ATRNL1: variants seen among roughly 807,000 people sequenced by gnomAD.
ATRNL1 encodes attractin like 1.
A neutral mutation model predicts 182.7 loss-of-function variants in ATRNL1; 95 were observed. The ratio of observed to expected loss-of-function variants is 0.52; its 90% confidence interval spans 0.44 to 0.62. The LOEUF is 0.62. ATRNL1 is among the 20% of genes least tolerant of loss of function. The pLI is 0.00. For synonymous variants in ATRNL1, 576 were observed against 568.3 expected, an observed-to-expected ratio of 1.01 and a Z score of -0.19; for missense variants, 1,471 against 1,679.5, an observed-to-expected ratio of 0.88 and a Z score of 2.17.
At chr10:115,530,143 C>G (rs1473057765) in intron 25 of ATRNL1, among the ~76,000 whole-genome samples, 1 of 151,992 alleles carries the variant, frequency 6.6e-6, no homozygotes, top group South Asian at 2.1e-4. Flanking sequence ...TATTTGAGTT[C>G]TTTCTTCTTT....
chr10:115,447,948 A>G (rs1022509834), intron 21 of ATRNL1, among the ~76,000 whole-genome samples: 3 of 152,044 alleles, frequency 2.0e-5, no homozygotes, highest in Non-Finnish European at 4.4e-5. Context: ...GTTTTGAAAT[A>G]CTATCTTGTT....
intron 26 of ATRNL1, among the ~76,000 whole-genome samples, chr10:115,559,481 C>A (rs1053810357): frequency 6.6e-6 from 1 of 151,774 alleles, no homozygotes; most frequent in Non-Finnish European, 1.5e-5. Context: ...ACCCTTCTTA[C>A]GTTTTGGTAC....
intron 15 of ATRNL1, 51 bp from the exon 16 acceptor site, chr10:115,299,983 A>G: frequency 1.5e-6 from 2 of 1,374,986 alleles, no homozygotes; most frequent in Non-Finnish European, 2.1e-6. Flanking sequence ...GGAATATGCC[A>G]TATTTTTACA....
Position 115,215,795 on chromosome 10 carries a change from G to T in ATRNL1, c.1447G>T (p.Val483Phe). Residue 483 changes from valine (V) to phenylalanine (F), a missense_variant, in exon 9 of 29, where the codon GTT becomes TTT. Around this residue, in one of 3 missense-constraint regions of ATRNL1, gnomAD observed 1,031 missense variants for 1,156.0 expected, o/e 0.89. Coordinates refer to ENST00000355044, the MANE Select transcript of ATRNL1 (RefSeq NM_207303.4). ...TGATGAAATAACAAAGTCCATTTATGTTCATGGAGGGTATAAAGCATTGCC... is the reference window on the plus strand; with the variant it reads ...TGATGAAATAACAAAGTCCATTTATTTTCATGGAGGGTATAAAGCATTGCC... ...VYDEITKSIY[V>F]HGGYKALPGN... 5 of 1,609,078 alleles carry T rather than the reference G, an allele frequency of 3.1e-6. No homozygotes were observed. The highest frequency in any genetic ancestry group is 4.2e-6 in the Non-Finnish European group (5 of 1,178,094).
At chr10:115,432,108 G>A (rs2134416592) in intron 21 of ATRNL1, among the ~76,000 whole-genome samples, 1 of 152,154 alleles carries the variant, frequency 6.6e-6, no homozygotes, top group African/African-American at 2.4e-5. Flanking sequence ...TAAAATTAAT[G>A]TTAATAAAAC....
intron 27 of ATRNL1, chr10:115,819,819 T>C (rs1261975775): frequency 1.3e-5 from 2 of 152,090 alleles, no homozygotes; most frequent in Non-Finnish European, 2.9e-5. Context: ...ACATGAAACA[T>C]TGCCTTATCT....
chr10:115,938,337 A>G (rs1370406720), intron 28 of ATRNL1, among the ~76,000 whole-genome samples: 1 of 152,232 alleles, frequency 6.6e-6, no homozygotes, highest in Non-Finnish European at 1.5e-5. Flanking sequence ...TTTTCATTGC[A>G]AATTTAGTGG....
chr10:115,536,178 G>C (rs1243454823), intron 25 of ATRNL1, among the ~76,000 whole-genome samples: 2 of 152,190 alleles, frequency 1.3e-5, no homozygotes, highest in Non-Finnish European at 2.9e-5. Flanking sequence ...AGAGGTTACT[G>C]CTGTGTTTTT....
intron 27 of ATRNL1, among the ~76,000 whole-genome samples, chr10:115,788,373 C>T (rs1555080913): frequency 6.9e-6 from 1 of 144,958 alleles, no homozygotes; most frequent in East Asian, 2.0e-4. Context: ...TTTGCCCCCT[C>T]TGTAAACATT....
chr10:115,449,181 C>T (rs650583), intron 21 of ATRNL1, among the ~76,000 whole-genome samples: 1 of 152,126 alleles, frequency 6.6e-6, no homozygotes, highest in Non-Finnish European at 1.5e-5. Flanking sequence ...CACCCCACTC[C>T]CCTGATTCTG....
intron 17 of ATRNL1, among the ~76,000 whole-genome samples, chr10:115,312,093 A>G (rs1166229084): frequency 6.6e-6 from 1 of 152,078 alleles, no homozygotes; most frequent in African/African-American, 2.4e-5. Flanking sequence ...GAGCATTTAT[A>G]CCATTTACAT....
chr10:115,713,713 T>TATCTATC (rs1565310967), intron 26 of ATRNL1, among the ~76,000 whole-genome samples: 77 of 89,808 alleles, frequency 8.6e-4, no homozygotes, highest in African/African-American at 2.1e-3. Context: ...ATCATCTATC[T>TATCTATC]ATCTATCTAT....
intron 27 of ATRNL1, among the ~76,000 whole-genome samples, chr10:115,748,804 A>G (rs1948366244): frequency 6.6e-6 from 1 of 151,966 alleles, no homozygotes; most frequent in Admixed American, 6.6e-5. Context: ...TCGATTATAC[A>G]GCATTATGTT....
At chr10:115,270,895 A>C (rs994320937) in intron 13 of ATRNL1, among the ~76,000 whole-genome samples, 2 of 152,142 alleles carry the variant, frequency 1.3e-5, no homozygotes, top group South Asian at 2.1e-4. Flanking sequence ...GCACCTATAC[A>C]TATCTACATA....
intron 9 of ATRNL1, among the ~76,000 whole-genome samples, chr10:115,240,719 T>C (rs1850384035): frequency 6.6e-6 from 1 of 152,052 alleles, no homozygotes; most frequent in African/African-American, 2.4e-5. Context: ...TATTTAATAT[T>C]TATTTATATT....
chr10:115,163,349 T>C (rs1296831075), intron 6 of ATRNL1, among the ~76,000 whole-genome samples: 1 of 151,666 alleles, frequency 6.6e-6, no homozygotes, highest in Admixed American at 6.6e-5. Context: ...ATTTTTTCTT[T>C]TATTTTCTTG....
chr10:115,884,631 CT>C (rs1340934714), intron 28 of ATRNL1, among the ~76,000 whole-genome samples: 1 of 152,172 alleles, frequency 6.6e-6, no homozygotes, highest in Non-Finnish European at 1.5e-5. Flanking sequence ...ATTCTGCCAC[CT>C]GGACACTTCA....
intron 19 of ATRNL1, among the ~76,000 whole-genome samples, chr10:115,392,884 C>A (rs1844099170): frequency 6.6e-6 from 1 of 152,152 alleles, no homozygotes; most frequent in Non-Finnish European, 1.5e-5. Flanking sequence ...AACATACTTT[C>A]TTTTTCTTGA....
rs782011948 is a variant in ATRNL1 at position 115,165,696 on chromosome 10, AC to A, written c.1092+53del. 3.0e-6 allele frequency: 3 copies of A among 1,001,628 alleles called. No homozygotes were observed. The Admixed American group carries it at 7.0e-5, about 23-fold the overall frequency. The allele number at this position is 1,001,628 out of a possible 1,614,324, so 62.0% of individuals were successfully genotyped here. On this transcript the variant is annotated intron_variant, in intron 7 of 28. Coordinates refer to ENST00000355044, the MANE Select transcript of ATRNL1 (RefSeq NM_207303.4). ...AATCAGATTTTGTTTTTGATAGTTTACCACAGGCTAAAAAATACTAAATCTC... is the reference window on the plus strand; with the variant it reads ...AATCAGATTTTGTTTTTGATAGTTTACACAGGCTAAAAAATACTAAATCTC...
Sources: allele counts gnomAD v4.1 joint callset (sites outside exome capture counted in the v4.1 genomes callset), GRCh38; gene constraint gnomAD v4.1.1; regional missense constraint gnomAD v4.1.1; transcripts MANE v1.5; gene names NCBI Gene and HGNC (gene_info 2026-07-23, HGNC 2026-07-21).